Variants in HOXC4 observed in about 807,000 individuals in gnomAD.
HOXC4 encodes the protein homeobox C4, also known as homeobox protein Hox-C4.
In HOXC4, 15 loss-of-function variants were observed where a neutral mutation model predicts 25.5. The observed-to-expected ratio is 0.59, with a 90% confidence interval of 0.39 to 0.91. The LOEUF is 0.91. Ranked by LOEUF, HOXC4 falls within the 40% of genes least tolerant of loss-of-function variation. The pLI is 0.00. For missense variants in HOXC4, 342 were observed against 352.4 expected, an observed-to-expected ratio of 0.97 and a Z score of 0.24; for synonymous variants, 165 against 148.0, an observed-to-expected ratio of 1.11 and a Z score of -0.83.
Position 54,044,725 on chromosome 12 carries a change from T to TTGTGTGTGTG in HOXC4, c.-123-8425_-123-8416dup, listed in dbSNP as rs58933808. Among the ~76,000 whole-genome samples the TTGTGTGTGTG allele has an allele frequency of 2.0e-4, 29 of 147,034 alleles. No individual in the cohort carries two copies. In the East Asian group the frequency reaches 2.2e-3, roughly 11 times the overall value. On this transcript the variant is annotated intron_variant, in intron 1 of 3. Coordinates refer to the HOXC4 transcript ENST00000303406. The stretch of plus-strand genomic sequence containing the variant: ...TGCAGGGGTGTGTGAGTGTGTGTGT[T>TTGTGTGTGTG]TGTGTGTGTGTGTGTGTGTAAGCCC...
intron 1 of HOXC4, chr12:54,029,629 A>C: frequency 6.2e-7 from 1 of 1,602,984 alleles, no homozygotes; most frequent in Non-Finnish European, 8.5e-7. Flanking sequence ...GATTGCTTTT[A>C]GTGTGTTTTG....
At chr12:54,051,795 C>T (rs1937852418), upstream of HOXC4, among the ~76,000 whole-genome samples, 1 of 152,202 alleles carries the variant, frequency 6.6e-6, no homozygotes, top group African/African-American at 2.4e-5. Context: ...AACGAGGGCC[C>T]AGGCGGGAAT....
intron 1 of HOXC4, among the ~76,000 whole-genome samples, chr12:54,046,246 C>A (rs1391698450): frequency 1.3e-5 from 2 of 152,186 alleles, no homozygotes; most frequent in African/African-American, 2.4e-5. Flanking sequence ...GATGCCTCCG[C>A]GTCTCCTGTA....
chr12:54,032,845 TC>T, intron 1 of HOXC4: 1 of 167,312 alleles, frequency 6.0e-6, no homozygotes. Context: ...TCACTCCCTC[TC>T]CCCCTTGGTT....
At position 54,055,137 on chromosome 12, in the gene HOXC4, T is replaced by A; in HGVS notation, c.727T>A (p.Ser243Thr). 1 of 1,613,170 alleles carries A rather than the reference T, an allele frequency of 6.2e-7. No homozygotes were observed. Among genetic ancestry groups the A allele is most frequent in the Non-Finnish European group, 8.5e-7 (1 of 1,179,838 alleles). The stretch of plus-strand genomic sequence containing the variant: ...CCTTTCGGCAGCTACCCCGGGTACT[T>A]CTGAAGACCACTCCCAGAGCGCCAC... ...STLSAATPGT[S>T]EDHSQSATPP... The change falls in exon 2 of 2, where the codon TCT becomes ACT. Residue 243 changes from serine (S) to threonine (T), a missense_variant. Coordinates refer to ENST00000430889, the MANE Select transcript of HOXC4 (RefSeq NM_153633.3).
intron 1 of HOXC4, chr12:54,033,066 GTCACAAA>G (rs1392707512): frequency 6.2e-5 from 89 of 1,438,296 alleles, no homozygotes; most frequent in Non-Finnish European, 8.3e-5. Flanking sequence ...ACTTCAAAGA[GTCACAAA>G]TCACCCTTAA....
intron 1 of HOXC4, among the ~76,000 whole-genome samples, chr12:54,039,232 G>A (rs1034943461): frequency 6.6e-6 from 1 of 152,148 alleles, no homozygotes; most frequent in Admixed American, 6.5e-5. Context: ...GGGGAGCAGC[G>A]GTGTCTGGGC....
chr12:54,056,008 C>T lies in HOXC4; in HGVS notation c.*803C>T, dbSNP rs1592251483. The T allele has an allele frequency of 6.5e-6, 1 of 152,724 alleles. No individual in the cohort carries two copies. Among genetic ancestry groups the T allele is most frequent in the East Asian group, 1.9e-4 (1 of 5,192 alleles). 9.5% of individuals were successfully genotyped at this position (152,724 alleles called of 1,614,324 possible). A position where few individuals can be genotyped will look rare whatever the true frequency, so the allele number is the denominator to read the frequency against. ...GAAATGCCCCGTGATCAATAATAAA[C>T]CAGTGGATGTGAATTAGTTTTACGT... On this transcript the variant is annotated 3_prime_UTR_variant, in exon 2 of 2. Transcript: ENST00000430889.
chr12:54,048,677 C>T (rs1454005951), intron 1 of HOXC4, among the ~76,000 whole-genome samples: 1 of 152,116 alleles, frequency 6.6e-6, no homozygotes, highest in African/African-American at 2.4e-5. Flanking sequence ...CTTCTTTGGT[C>T]TTGGGTGCAT....
chr12:54,033,037 G>C, intron 1 of HOXC4: 1 of 1,097,426 alleles, frequency 9.1e-7, no homozygotes, highest in South Asian at 1.5e-5. Context: ...GTCCACTTTG[G>C]AGAACAAAAA....
intron 1 of HOXC4, chr12:54,033,090 A>T: frequency 6.4e-7 from 1 of 1,567,752 alleles, no homozygotes; most frequent in South Asian, 1.1e-5. Context: ...TTAATCAAAA[A>T]GGGTGCAGAA....
rs1018610306 is a variant in HOXC4 at position 54,030,037 on chromosome 12, G to GT, written c.-124+12624dup. 8 of 1,319,302 alleles carry GT rather than the reference G, an allele frequency of 6.1e-6. No homozygotes were observed. The African/African-American group carries it at 1.2e-4, about 20-fold the overall frequency. 81.7% of individuals were successfully genotyped at this position (1,319,302 alleles called of 1,614,324 possible). The stretch of plus-strand genomic sequence containing the variant: ...CAACTCTCCCCTAATCACACACTCT[G>GT]TATTTATCACTGGCACAATTGATGT... On this transcript the variant is annotated intron_variant, in intron 1 of 3. Coordinates refer to the HOXC4 transcript ENST00000303406.
chr12:54,034,453 G>A (rs1335847147), intron 1 of HOXC4: 2 of 1,614,128 alleles, frequency 1.2e-6, no homozygotes, highest in African/African-American at 2.7e-5. Flanking sequence ...GGATGAAGTG[G>A]AAGAAAGATT....
intron 1 of HOXC4, among the ~76,000 whole-genome samples, chr12:54,029,247 G>A (rs1185274167): frequency 6.6e-6 from 1 of 152,204 alleles, no homozygotes; most frequent in African/African-American, 2.4e-5. Flanking sequence ...AGGGGGAGAG[G>A]AGAGGCAGAT....
At chr12:54,026,007 T>A (rs567738826) in intron 1 of HOXC4, among the ~76,000 whole-genome samples, 137 of 152,076 alleles carry the variant, frequency 9.0e-4, no homozygotes, top group African/African-American at 2.8e-3. Context: ...AAGTGAAACC[T>A]CATTAAGACA....
At chr12:54,023,697 T>C (rs1445603240) in intron 1 of HOXC4, among the ~76,000 whole-genome samples, 2 of 152,196 alleles carry the variant, frequency 1.3e-5, no homozygotes, top group African/African-American at 4.8e-5. Context: ...CCCCAAATGA[T>C]ATCCATTTCT....
chr12:54,052,080 T>C (rs1439719540), upstream of HOXC4, among the ~76,000 whole-genome samples: 1 of 152,104 alleles, frequency 6.6e-6, no homozygotes, highest in African/African-American at 2.4e-5. Context: ...CAGGCTGGGC[T>C]GGGAGGAGGT....
At chr12:54,047,175 T>C (rs753727093) in intron 1 of HOXC4, among the ~76,000 whole-genome samples, 1 of 152,234 alleles carries the variant, frequency 6.6e-6, no homozygotes, top group Admixed American at 6.5e-5. Context: ...AATCCAGACC[T>C]TTCAACACAC....
At chr12:54,030,000 C>T in intron 1 of HOXC4, 1 of 1,466,328 alleles carries the variant, frequency 6.8e-7, no homozygotes, top group Non-Finnish European at 9.1e-7. Context: ...CCCTTTCTCC[C>T]TCGCTCCCCA....
Sources: allele counts gnomAD v4.1 joint callset (sites outside exome capture counted in the v4.1 genomes callset), GRCh38; gene constraint gnomAD v4.1.1; transcripts MANE v1.5; gene names NCBI Gene and HGNC (gene_info 2026-07-23, HGNC 2026-07-21).